BTD: variants seen among roughly 807,000 people sequenced by gnomAD.
The protein encoded by BTD is biotinidase, also known as biocytinase.
BTD carries 13 observed loss-of-function variants against 17.7 expected under a neutral mutation model. The observed-to-expected ratio is 0.74, with a 90% CI of 0.48 to 1.17. The LOEUF (loss-of-function observed/expected upper bound fraction) is 1.17. Ranked by LOEUF, BTD falls within the 50% of genes most tolerant of loss-of-function variation. The pLI, the probability that BTD is intolerant of heterozygous loss-of-function variation, is 0.00. For missense variants in BTD, 674 were observed against 650.4 expected (o/e 1.04, Z -0.39); for synonymous variants, 240 against 245.2 (o/e 0.98, Z 0.20).
chr3:15,664,867 T>C (rs76113135), intron 3 of BTD, among the ~76,000 whole-genome samples: 3,720 of 152,060 alleles, frequency 0.024, 78 homozygotes, highest in African/African-American at 0.058. Flanking sequence ...GGGTGAAAGG[T>C]GGCAAGAGGA....
At chr3:15,684,679 T>G (rs1461091368) in intron 3 of BTD, 1 of 152,832 alleles carries the variant, frequency 6.5e-6, no homozygotes, top group Non-Finnish European at 1.5e-5. Flanking sequence ...TAAGCCCAGT[T>G]GTTCAAGACC....
At chr3:15,664,132 A>C (rs2065954139) in intron 3 of BTD, among the ~76,000 whole-genome samples, 1 of 152,174 alleles carries the variant, frequency 6.6e-6, no homozygotes, top group South Asian at 2.1e-4. Flanking sequence ...GATGTTCACT[A>C]GATCCAGCTG....
rs35107476 is a variant in BTD at position 15,652,424 on chromosome 3, T to TA, written c.*6937dup. Among the ~76,000 whole-genome samples, 17,307 of 152,138 alleles carry TA rather than the reference T, an allele frequency of 0.11. 1,298 individuals carry two copies. The highest frequency in any genetic ancestry group is 0.4 in the East Asian group (2,072 of 5,148). Reference sequence around the variant, plus strand: ...CCAGTTGCCATCTCCCAAGGATCCCTATGGACAGACCCATTTGGCAAGGAA... The same window carrying TA: ...CCAGTTGCCATCTCCCAAGGATCCCTAATGGACAGACCCATTTGGCAAGGAA... On this transcript the variant is annotated 3_prime_UTR_variant, in exon 4 of 4. Transcript: ENST00000643237.
intron 1 of BTD, chr3:15,606,524 A>G (rs2064459355): frequency 6.6e-6 from 1 of 152,260 alleles, no homozygotes; most frequent in Non-Finnish European, 1.5e-5. Context: ...CAAAAGAAAC[A>G]GTGACAGAAC....
chr3:15,666,478 T>A (rs1183658736), intron 3 of BTD, among the ~76,000 whole-genome samples: 1 of 152,238 alleles, frequency 6.6e-6, no homozygotes, highest in South Asian at 2.1e-4. Flanking sequence ...GGTTAAGAGA[T>A]AATTTATTTC....
chr3:15,688,666 A>G (rs183848013), intron 3 of BTD, among the ~76,000 whole-genome samples: 34 of 152,356 alleles, frequency 2.2e-4, no homozygotes, highest in Middle Eastern at 6.8e-3. Flanking sequence ...ACTAGAAAAA[A>G]AATCCAAGAC....
At chr3:15,665,046 C>A (rs990333713) in intron 3 of BTD, among the ~76,000 whole-genome samples, 1 of 152,056 alleles carries the variant, frequency 6.6e-6, no homozygotes, top group African/African-American at 2.4e-5. Flanking sequence ...GGAAATATTT[C>A]TTTTCTAATT....
At chr3:15,702,335 T>C (rs1239746694) in intron 3 of BTD, among the ~76,000 whole-genome samples, 1 of 152,218 alleles carries the variant, frequency 6.6e-6, no homozygotes. Context: ...CTTGAAAATG[T>C]GAACTTCATT....
chr3:15,709,849 A>G, intron 3 of BTD: 1 of 619,382 alleles, frequency 1.6e-6, no homozygotes, highest in Non-Finnish European at 2.7e-6. Context: ...ATGTGACAAA[A>G]ATGATGATTT....
At chr3:15,672,701 C>A (rs890103450) in intron 3 of BTD, among the ~76,000 whole-genome samples, 1 of 152,086 alleles carries the variant, frequency 6.6e-6, no homozygotes, top group Non-Finnish European at 1.5e-5. Flanking sequence ...TGGATGAGAG[C>A]GGGAGTGGGG....
At chr3:15,659,949 A>C (rs544492101) in intron 3 of BTD, among the ~76,000 whole-genome samples, 2 of 152,364 alleles carry the variant, frequency 1.3e-5, no homozygotes, top group East Asian at 3.9e-4. Context: ...ACAGCCAAAA[A>C]GTGACAGCGT....
At chr3:15,695,342 T>G (rs1246571030) in intron 3 of BTD, 2 of 663,682 alleles carry the variant, frequency 3.0e-6, no homozygotes, top group Non-Finnish European at 5.3e-6. Flanking sequence ...AAAAATTAGG[T>G]GTTTTGAATA....
chr3:15,622,275 T>C lies in BTD; in HGVS notation c.-16-13149T>C, dbSNP rs550631732. ...TACTGATCTTATATCTTAATTCTTT[T>C]GTACATTTCTCTTGAGATTTCTTTT... On this transcript the variant is annotated intron_variant, in intron 1 of 3. Coordinates refer to ENST00000643237, the MANE Select transcript of BTD (RefSeq NM_001370658.1). 1.8e-4 allele frequency among the ~76,000 whole-genome samples: 28 copies of C among 152,356 alleles called. 1 individual carries two copies. In the South Asian group the frequency reaches 5.2e-3, roughly 28 times the overall value.
intron 1 of BTD, among the ~76,000 whole-genome samples, chr3:15,608,731 A>G (rs1026103818): frequency 6.7e-6 from 1 of 149,710 alleles, no homozygotes; most frequent in Non-Finnish European, 1.5e-5. Flanking sequence ...GCGCCCCTGC[A>G]CTCCAGCCTG....
rs2125501783 is a variant in BTD, at chr3:15,644,606, C to T, written c.690C>T (p.Phe230=). The change falls in exon 4 of 4, where the codon TTC becomes TTT. Residue 230 remains phenylalanine (F), a synonymous_variant. Transcript: ENST00000643237. ...TCTTCACATGCTTTGATATATTGTT[C>T]TTTGACCCTGCCATCAGAGTCCTCA... ...FGIFTCFDIL[F]FDPAIRVLRD... The T allele has an allele frequency of 1.2e-6, 2 of 1,614,170 alleles. No individual in the cohort carries two copies. Among genetic ancestry groups the T allele is most frequent in the East Asian group, 4.5e-5 (2 of 44,886 alleles).
chr3:15,620,147 C>A (rs2064907919), intron 1 of BTD, among the ~76,000 whole-genome samples: 1 of 152,198 alleles, frequency 6.6e-6, no homozygotes, highest in Non-Finnish European at 1.5e-5. Context: ...TGATAAACAT[C>A]TTAAACAACA....
rs773641645 is a variant in BTD at position 15,651,562 on chromosome 3, A to C, written c.*6074A>C. 6.6e-6 allele frequency among the ~76,000 whole-genome samples: 1 copy of C among 152,194 alleles called. No individual in the cohort carries two copies. Among genetic ancestry groups the C allele is most frequent in the Non-Finnish European group, 1.5e-5 (1 of 68,022 alleles). Reference sequence around the variant, plus strand: ...GGCGGGAGCAGGGGCTGTGAGAGAGACAGCCAGACCGTAGCGGTGTGACAG... The same window carrying C: ...GGCGGGAGCAGGGGCTGTGAGAGAGCCAGCCAGACCGTAGCGGTGTGACAG... On this transcript the variant is annotated 3_prime_UTR_variant, in exon 4 of 4. Coordinates refer to ENST00000643237, the MANE Select transcript of BTD (RefSeq NM_001370658.1).
At position 15,652,765 on chromosome 3, in the gene BTD, T is replaced by C. The variant is rs1283356562; in HGVS notation, c.*7277T>C. Among the ~76,000 whole-genome samples the C allele has an allele frequency of 1.3e-5, 2 of 152,208 alleles. No homozygotes were observed. The highest frequency in any genetic ancestry group is 2.9e-5 in the Non-Finnish European group (2 of 68,024). On this transcript the variant is annotated 3_prime_UTR_variant, in exon 4 of 4. Transcript: ENST00000643237. Reference sequence around the variant, plus strand: ...CATCCAACACTCAATCTCCCAGCTATCCTGACTGCTCCTATACAGGTATCT... The same window carrying C: ...CATCCAACACTCAATCTCCCAGCTACCCTGACTGCTCCTATACAGGTATCT...
In BTD at chr3:15,635,552, A is replaced by T; in HGVS notation, c.113A>T (p.Tyr38Phe). 1 of 1,614,178 alleles carries T rather than the reference A, an allele frequency of 6.2e-7. No homozygotes were observed. The highest frequency in any genetic ancestry group is 1.1e-5 in the South Asian group (1 of 91,080). Residue 38 changes from tyrosine (Y) to phenylalanine (F), a missense_variant, in exon 2 of 4, where the codon TAT becomes TTT. Transcript: ENST00000643237. This position sits in a 1 kb window ranked among gnomAD's most constrained non-coding sequence, Gnocchi z 4.1. ...SVADHHEAEYYVAAVYEHPSI... is the reference protein window; with the variant it reads ...SVADHHEAEYFVAAVYEHPSI... ...GCTGACCATCACGAGGCTGAATATT[A>T]TGTGGCTGCCGTGTATGAGCATCCA...
Sources: allele counts gnomAD v4.1 joint callset (sites outside exome capture counted in the v4.1 genomes callset), GRCh38; gene constraint gnomAD v4.1.1; non-coding constraint Gnocchi (gnomAD v3.1); transcripts MANE v1.5; gene names NCBI Gene and HGNC (gene_info 2026-07-23, HGNC 2026-07-21).